Variants in ARMH4 observed in about 807,000 individuals in gnomAD.
ARMH4 encodes armadillo like helical domain containing 4.
In ARMH4, 49 loss-of-function variants were observed where a neutral mutation model predicts 61.9. The ratio of observed to expected loss-of-function variants is 0.79; its 90% CI spans 0.63 to 1.00. ARMH4 has a LOEUF of 1.00. Ranked by LOEUF, ARMH4 falls within the 50% of genes least tolerant of loss-of-function variation. The pLI is 0.00. For missense variants in ARMH4, 934 were observed against 930.0 expected (o/e 1.00, Z -0.06); for synonymous variants, 368 against 341.5 (o/e 1.08, Z -0.85).
intron 5 of ARMH4, among the ~76,000 whole-genome samples, chr14:58,064,689 G>A (rs1327783026): frequency 6.6e-6 from 1 of 152,184 alleles, no homozygotes; most frequent in Non-Finnish European, 1.5e-5. Flanking sequence ...ATGTGATATT[G>A]TGCTAGGTGC....
intron 4 of ARMH4, among the ~76,000 whole-genome samples, chr14:58,111,110 T>C (rs754075443): frequency 5.3e-5 from 8 of 152,240 alleles, no homozygotes; most frequent in Non-Finnish European, 1.2e-4. Flanking sequence ...TCATGTGTGA[T>C]TGAAGATAAC....
In ARMH4 at chr14:58,139,038, T is replaced by C; in HGVS notation, c.321A>G (p.Glu107=). 6.2e-7 allele frequency: 1 copy of C among 1,614,200 alleles called. No homozygotes were observed. Among genetic ancestry groups the C allele is most frequent in the Non-Finnish European group, 8.5e-7 (1 of 1,180,046 alleles). The change falls in exon 2 of 8, where the codon GAA becomes GAG. Residue 107 remains glutamate, a synonymous_variant. Transcript: ENST00000267485. ...CAGTAGGTGTGGAAACACCAGGGCG[T>C]TCTGTTTGCATGAGCCCAGCTTGTC... ...QPGQAGLMQT[E]RPGVSTPTES... is the part of the protein sequence containing the mutation.
rs1432930927 is a variant in ARMH4, at chr14:58,002,429, C to T, written c.*2307G>A. 6.6e-6 allele frequency: 1 copy of T among 152,144 alleles called. No individual in the cohort carries two copies. The highest frequency in any genetic ancestry group is 1.5e-5 in the Non-Finnish European group (1 of 68,022). The allele number at this position is 152,144 out of a possible 1,614,324, so 9.4% of individuals were successfully genotyped here. On this transcript the variant is annotated 3_prime_UTR_variant, in exon 8 of 8. Coordinates refer to ENST00000267485, the MANE Select transcript of ARMH4 (RefSeq NM_001001872.4). ...AGATACTGTGTTAAGCCAAAATTCA[C>T]ATACATGTCATCCTCACGGACCTCT...
intron 1 of ARMH4, chr14:58,141,595 G>T (rs1021546319): frequency 2.1e-6 from 1 of 470,948 alleles, no homozygotes; most frequent in East Asian, 5.3e-5. Flanking sequence ...CCTGCACCCC[G>T]GTGCTATCAA....
chr14:58,081,012 G>A (rs1320402372), intron 5 of ARMH4, among the ~76,000 whole-genome samples: 1 of 152,012 alleles, frequency 6.6e-6, no homozygotes, highest in Non-Finnish European at 1.5e-5. Context: ...TGAGGCAGGA[G>A]AATCACTTGA....
chr14:58,057,500 G>A (rs1385347487), intron 5 of ARMH4, among the ~76,000 whole-genome samples: 1 of 152,028 alleles, frequency 6.6e-6, no homozygotes, highest in East Asian at 1.9e-4. Flanking sequence ...TTCAAACCTA[G>A]GTGTTACTAG....
At chr14:58,041,272 C>T (rs1406158428) in intron 5 of ARMH4, among the ~76,000 whole-genome samples, 3 of 152,164 alleles carry the variant, frequency 2.0e-5, no homozygotes, top group African/African-American at 7.2e-5. Flanking sequence ...CCCAATACTG[C>T]ACTTTTCCAA....
Position 58,139,378 on chromosome 14 carries a change from G to A in ARMH4, c.-20C>T, listed in dbSNP as rs373579339. ...TCTCATAGTGGAAGAGAAATGGCAC[G>A]TACACTGGCAGAGTTGACAAGTCCA... On this transcript the variant is annotated 5_prime_UTR_variant, in exon 2 of 8. In the 5' UTR this introduces an upstream ATG that the reference lacks. Coordinates refer to ENST00000267485, the MANE Select transcript of ARMH4 (RefSeq NM_001001872.4). 1.6e-4 allele frequency: 261 copies of A among 1,610,956 alleles called. 2 individuals are homozygous for A. Among genetic ancestry groups the A allele is most frequent in the Non-Finnish European group, 6.3e-5 (74 of 1,178,846 alleles).
intron 1 of ARMH4, chr14:58,141,238 G>T: frequency 1.1e-5 from 3 of 280,696 alleles, no homozygotes; most frequent in Non-Finnish European, 1.4e-5. Context: ...ATGTCTTTTA[G>T]CTCTTTTTCT....
intron 5 of ARMH4, among the ~76,000 whole-genome samples, chr14:58,025,524 T>C (rs996706731): frequency 1.3e-5 from 2 of 152,212 alleles, no homozygotes; most frequent in African/African-American, 4.8e-5. Context: ...GTTCAAAGCA[T>C]GTGTAACTAA....
intron 5 of ARMH4, among the ~76,000 whole-genome samples, chr14:58,021,557 A>G (rs1394883454): frequency 6.6e-6 from 1 of 152,208 alleles, no homozygotes; most frequent in Non-Finnish European, 1.5e-5. Flanking sequence ...TCATCCAGAA[A>G]CACCCTCACA....
chr14:58,022,396 G>A (rs1438883348), intron 5 of ARMH4, among the ~76,000 whole-genome samples: 1 of 152,176 alleles, frequency 6.6e-6, no homozygotes, highest in African/African-American at 2.4e-5. Flanking sequence ...TGGCATGTAA[G>A]GTAACATATC....
intron 4 of ARMH4, among the ~76,000 whole-genome samples, chr14:58,112,286 CTTTT>C (rs375451865): frequency 3.0e-5 from 4 of 133,404 alleles, no homozygotes; most frequent in Non-Finnish European, 4.8e-5. Context: ...CTTAATTTTT[CTTTT>C]TTTTTTTTTT....
chr14:58,105,056 T>A (rs1886124494), intron 4 of ARMH4, among the ~76,000 whole-genome samples: 1 of 152,182 alleles, frequency 6.6e-6, no homozygotes, highest in South Asian at 2.1e-4. Context: ...GGCCAATCTT[T>A]CAATTAGTTA....
chr14:58,072,337 A>G (rs1884907350), intron 5 of ARMH4, among the ~76,000 whole-genome samples: 1 of 152,184 alleles, frequency 6.6e-6, no homozygotes, highest in South Asian at 2.1e-4. Context: ...GTAATGAAGG[A>G]TTTGGGTTTG....
At position 58,011,540 on chromosome 14, in the gene ARMH4, A is replaced by C. The variant is rs143057052; in HGVS notation, c.2121+579T>G. ...ATCTTTATGAGTAATTCAGTTTAAA[A>C]TTACCAAGTAACCAAAAGTGAAAAC... On this transcript the variant is annotated intron_variant, in intron 6 of 7. Transcript: ENST00000267485. Among the ~76,000 whole-genome samples the C allele has an allele frequency of 2.3e-3, 354 of 152,306 alleles. 2 individuals are homozygous for C. Among genetic ancestry groups the C allele is most frequent in the African/African-American group, 8.1e-3 (338 of 41,580 alleles).
intron 4 of ARMH4, among the ~76,000 whole-genome samples, chr14:58,114,573 G>A (rs1178704691): frequency 6.6e-6 from 1 of 152,076 alleles, no homozygotes; most frequent in Non-Finnish European, 1.5e-5. Context: ...CTTTTCAAGG[G>A]CATCCATACT....
chr14:58,132,581 C>CTTTTTAT (rs1887147419), intron 3 of ARMH4, among the ~76,000 whole-genome samples: 1 of 86,022 alleles, frequency 1.2e-5, no homozygotes. Flanking sequence ...ACCCTTGTCC[C>CTTTTTAT]TTTTTTTTTT....
intron 1 of ARMH4, among the ~76,000 whole-genome samples, chr14:58,140,926 A>T (rs1887526713): frequency 6.6e-6 from 1 of 152,076 alleles, no homozygotes; most frequent in African/African-American, 2.4e-5. Flanking sequence ...AGAGACCCCC[A>T]AGAGCTCCCT....
Sources: gnomAD v4.1 joint callset for allele counts (sites outside exome capture counted in the v4.1 genomes callset) on GRCh38, gnomAD v4.1.1 for gene constraint, MANE v1.5 for transcripts, NCBI Gene and HGNC (gene_info 2026-07-23, HGNC 2026-07-21) for gene names.